INSYN2A: variants seen among roughly 807,000 people sequenced by gnomAD.
INSYN2A encodes inhibitory synaptic factor 2A.
A neutral mutation model predicts 39.4 loss-of-function variants in INSYN2A; 17 were observed. The ratio of observed to expected loss-of-function variants is 0.43; its 90% CI spans 0.30 to 0.65. The LOEUF (loss-of-function observed/expected upper bound fraction) is 0.65, where lower values mean the gene tolerates loss of function less well. Ranked by LOEUF, INSYN2A falls within the 30% of genes least tolerant of loss-of-function variation. The pLI is 0.14. For synonymous variants in INSYN2A, 255 were observed against 265.7 expected, an observed-to-expected ratio of 0.96 and a Z score of 0.39; for missense variants, 595 against 631.2, an observed-to-expected ratio of 0.94 and a Z score of 0.61.
chr10:127,145,106 G>T (rs1274154455), intron 5 of INSYN2A, among the ~76,000 whole-genome samples: 1 of 152,116 alleles, frequency 6.6e-6, no homozygotes, highest in Non-Finnish European at 1.5e-5. Context: ...CATCCTAGGT[G>T]CCCATCTTAC....
chr10:127,157,559 A>G (rs1049642848), intron 4 of INSYN2A, among the ~76,000 whole-genome samples: 1 of 152,152 alleles, frequency 6.6e-6, no homozygotes, highest in Admixed American at 6.5e-5. Context: ...TTTATTTACA[A>G]CCCAGCCCAA....
At chr10:127,144,453 T>G (rs564935543) in intron 5 of INSYN2A, among the ~76,000 whole-genome samples, 180 of 152,304 alleles carry the variant, frequency 1.2e-3, no homozygotes, top group Middle Eastern at 0.01. Flanking sequence ...TTAATTCATC[T>G]TTTGTCTGCA....
chr10:127,146,816 G>A (rs1018056102), intron 5 of INSYN2A, among the ~76,000 whole-genome samples: 5 of 152,124 alleles, frequency 3.3e-5, no homozygotes, highest in Non-Finnish European at 7.3e-5. Context: ...AGTGGGCTCC[G>A]GACAGGCTGG....
intron 5 of INSYN2A, among the ~76,000 whole-genome samples, chr10:127,153,015 C>A (rs1334418313): frequency 1.3e-5 from 2 of 152,180 alleles, no homozygotes; most frequent in African/African-American, 4.8e-5. Flanking sequence ...GTTCTTAATG[C>A]AGAGGACAGT....
At chr10:127,164,479 G>T (rs1053268149) in intron 4 of INSYN2A, among the ~76,000 whole-genome samples, 115 of 152,068 alleles carry the variant, frequency 7.6e-4, no homozygotes, top group African/African-American at 2.7e-3. Context: ...CACTGCTCCC[G>T]GCCCTGCCTC....
At chr10:127,155,518 C>T (rs1341995286) in intron 4 of INSYN2A, among the ~76,000 whole-genome samples, 3 of 152,126 alleles carry the variant, frequency 2.0e-5, no homozygotes, top group East Asian at 1.9e-4. Flanking sequence ...CAGGCCATTC[C>T]GTTCTCCCGT....
At chr10:127,182,337 C>T (rs1337807736) in intron 2 of INSYN2A, among the ~76,000 whole-genome samples, 1 of 152,108 alleles carries the variant, frequency 6.6e-6, no homozygotes, top group East Asian at 1.9e-4. Flanking sequence ...TTGCTTTAGC[C>T]ACATAATGTA....
At chr10:127,147,784 G>A (rs979828755) in intron 5 of INSYN2A, among the ~76,000 whole-genome samples, 1 of 151,568 alleles carries the variant, frequency 6.6e-6, no homozygotes, top group African/African-American at 2.4e-5. Context: ...TGTAATCCTA[G>A]CACTTTGGGA....
At chr10:127,146,246 C>T in intron 5 of INSYN2A, 1 of 221,424 alleles carries the variant, frequency 4.5e-6, no homozygotes, top group Non-Finnish European at 9.1e-6. Flanking sequence ...TAGCCTTTCT[C>T]TGCTAATAAA....
At chr10:127,177,562 G>T (rs1270895111) in intron 2 of INSYN2A, among the ~76,000 whole-genome samples, 1 of 152,238 alleles carries the variant, frequency 6.6e-6, no homozygotes, top group African/African-American at 2.4e-5. Context: ...GGGCCCGAGT[G>T]GCTGGAGCTG....
At chr10:127,168,815 C>T (rs931991928) in intron 4 of INSYN2A, among the ~76,000 whole-genome samples, 1 of 152,326 alleles carries the variant, frequency 6.6e-6, no homozygotes, top group South Asian at 2.1e-4. Context: ...CGTTTATGCA[C>T]AGCTGCTGCA....
At chr10:127,146,648 G>A (rs1294609646) in intron 5 of INSYN2A, among the ~76,000 whole-genome samples, 1 of 152,124 alleles carries the variant, frequency 6.6e-6, no homozygotes. Context: ...TAAGAACAGA[G>A]CACTAAACAT....
intron 2 of INSYN2A, among the ~76,000 whole-genome samples, chr10:127,190,248 G>C (rs928899749): frequency 5.3e-5 from 8 of 152,194 alleles, no homozygotes; most frequent in African/African-American, 1.9e-4. Context: ...ACCCTTTGGT[G>C]CTTTTTTCTT....
At chr10:127,193,270 G>T (rs1046049409) in intron 1 of INSYN2A, among the ~76,000 whole-genome samples, 1 of 152,110 alleles carries the variant, frequency 6.6e-6, no homozygotes, top group Non-Finnish European at 1.5e-5. Context: ...TATCTGGGGA[G>T]TTTTTATGAC....
At chr10:127,169,946 A>T (rs1462482357) in intron 4 of INSYN2A, among the ~76,000 whole-genome samples, 1 of 151,844 alleles carries the variant, frequency 6.6e-6, no homozygotes, top group Non-Finnish European at 1.5e-5. Flanking sequence ...CTTGTCTTGA[A>T]CACCACCGTA....
chr10:127,194,639 A>G (rs1589879367), intron 1 of INSYN2A, among the ~76,000 whole-genome samples: 1 of 152,148 alleles, frequency 6.6e-6, no homozygotes, highest in South Asian at 2.1e-4. Flanking sequence ...TTCATCAAGT[A>G]CCCAGCCAGC....
rs575404993 is a variant in INSYN2A at position 127,137,864 on chromosome 10, G to A, written c.1413C>T (p.His471=). The change falls in exon 6 of 6, where the codon CAC becomes CAT. Residue 471 remains histidine, a synonymous_variant. Coordinates refer to ENST00000522781, the MANE Select transcript of INSYN2A (RefSeq NM_001039762.3). The part of the protein sequence containing the change: ...KQKSKTESKK[H]GRWKLWFL ...AAAGGAACCAGAGTTTCCATCTTCC[G>A]TGCTTTTTAGATTCAGTTTTGGATT... 1.6e-5 allele frequency: 26 copies of A among 1,613,984 alleles called. No homozygotes were observed. The highest frequency in any genetic ancestry group is 6.7e-5 in the Admixed American group (4 of 59,978).
chr10:127,140,619 CGGTTGAGTTTGACACACCAAGTCTCTG>C (rs2051140110), intron 5 of INSYN2A, among the ~76,000 whole-genome samples: 2 of 48,244 alleles, frequency 4.1e-5, no homozygotes, highest in Admixed American at 2.5e-4. Flanking sequence ...CCAAGTCTCT[CGGTTGAGTTTGACACACCAAGTCTCTG>C]GGTTGAGTTT....
intron 5 of INSYN2A, among the ~76,000 whole-genome samples, chr10:127,143,160 T>A (rs578091196): frequency 6.6e-6 from 1 of 152,328 alleles, no homozygotes; most frequent in South Asian, 2.1e-4. Context: ...CTCAAGATAA[T>A]TTAAGAGGAA....
Sources: gnomAD v4.1 joint callset for allele counts (sites outside exome capture counted in the v4.1 genomes callset) on GRCh38, gnomAD v4.1.1 for gene constraint, MANE v1.5 for transcripts, NCBI Gene and HGNC (gene_info 2026-07-23, HGNC 2026-07-21) for gene names.